Variants in AKAP6 observed in about 807,000 individuals in gnomAD.
AKAP6 encodes the protein A-kinase anchoring protein 6.
AKAP6 carries 58 observed loss-of-function variants against 188.5 expected under a neutral mutation model. That is an observed-to-expected ratio of 0.31 (90% confidence interval 0.25 to 0.38). The LOEUF (loss-of-function observed/expected upper bound fraction) is 0.38. AKAP6 is among the 10% of genes least tolerant of loss of function. The pLI is 1.00. For missense variants in AKAP6, 2,710 were observed against 2,740.0 expected (o/e 0.99, Z 0.24); for synonymous variants, 989 against 998.6 (o/e 0.99, Z 0.18).
chr14:32,642,634 A>G (rs1008314154), intron 7 of AKAP6, among the ~76,000 whole-genome samples: 4 of 152,198 alleles, frequency 2.6e-5, no homozygotes, highest in Non-Finnish European at 5.9e-5. Flanking sequence ...TCACCGCAGA[A>G]AGGAGCATTT....
intron 2 of AKAP6, among the ~76,000 whole-genome samples, chr14:32,531,082 T>C (rs1025560504): frequency 6.6e-6 from 1 of 152,166 alleles, no homozygotes; most frequent in African/African-American, 2.4e-5. Context: ...AAGTCAGCAA[T>C]TGGTAACATA....
At chr14:32,548,475 C>T (rs1180562364) in intron 4 of AKAP6, among the ~76,000 whole-genome samples, 1 of 151,730 alleles carries the variant, frequency 6.6e-6, no homozygotes, top group East Asian at 1.9e-4. Flanking sequence ...ATTATTCTCG[C>T]TTTACAGAGA....
At chr14:32,515,303 A>G (rs941743960) in intron 2 of AKAP6, among the ~76,000 whole-genome samples, 6 of 152,082 alleles carry the variant, frequency 3.9e-5, no homozygotes, top group African/African-American at 1.4e-4. Flanking sequence ...ACCCGGCCCC[A>G]CCTTTGACAC....
intron 11 of AKAP6, among the ~76,000 whole-genome samples, chr14:32,751,862 A>G (rs2032152672): frequency 1.3e-5 from 2 of 152,306 alleles, no homozygotes; most frequent in African/African-American, 4.8e-5. Context: ...CTGTCTTCAA[A>G]AGTACCAACT....
chr14:32,372,379 A>T (rs1888036003), intron 1 of AKAP6, among the ~76,000 whole-genome samples: 1 of 151,716 alleles, frequency 6.6e-6, no homozygotes, highest in Admixed American at 6.6e-5. Context: ...CAGGCCGAGG[A>T]GGGGATGTTT....
In AKAP6 at chr14:32,830,003, A is replaced by T. The variant is rs1416718007; in HGVS notation, c.*198A>T. ...TCTCCACACAAGCCTTGTGATCTGA[A>T]TGTGTGCGCTGGTTCTCTTTAGGTG... is the stretch of plus-strand genomic sequence containing the variant. On this transcript the variant is annotated 3_prime_UTR_variant, in exon 14 of 14. Transcript: ENST00000280979. 1.4e-6 allele frequency: 1 copy of T among 702,246 alleles called. No homozygotes were observed. Among genetic ancestry groups the T allele is most frequent in the African/African-American group, 1.7e-5 (1 of 57,296 alleles). The allele number at this position is 702,246 out of a possible 1,614,324, so 43.5% of individuals were successfully genotyped here.
chr14:32,524,244 C>T (rs747761214), intron 2 of AKAP6, among the ~76,000 whole-genome samples: 2 of 151,800 alleles, frequency 1.3e-5, no homozygotes, highest in African/African-American at 2.4e-5. Context: ...TACTCTTGTG[C>T]GGGAATGATT....
chr14:32,617,693 T>C (rs75682461), intron 7 of AKAP6, among the ~76,000 whole-genome samples: 2,180 of 152,324 alleles, frequency 0.014, 55 homozygotes, highest in African/African-American at 0.05. Context: ...TGGCACAGTT[T>C]CAACTCACTG....
chr14:32,476,103 TAAAC>T (rs1457631870), intron 2 of AKAP6, among the ~76,000 whole-genome samples: 2 of 149,948 alleles, frequency 1.3e-5, no homozygotes, highest in South Asian at 2.1e-4. Flanking sequence ...TATGCAGAAA[TAAAC>T]AATATATTGT....
At chr14:32,524,280 C>CT (rs1264068918) in intron 2 of AKAP6, among the ~76,000 whole-genome samples, 23 of 152,052 alleles carry the variant, frequency 1.5e-4, no homozygotes, top group African/African-American at 5.6e-4. Context: ...ATAGTGGTCA[C>CT]TTTTGGAGGG....
intron 8 of AKAP6, among the ~76,000 whole-genome samples, chr14:32,694,598 T>A (rs191858139): frequency 3.1e-3 from 466 of 152,264 alleles, no homozygotes; most frequent in Non-Finnish European, 4.9e-3. Context: ...CAGTAAACAT[T>A]TATTAATAAA....
chr14:32,558,075 A>G (rs571985840), intron 4 of AKAP6, among the ~76,000 whole-genome samples: 6 of 152,302 alleles, frequency 3.9e-5, no homozygotes, highest in African/African-American at 1.4e-4. Context: ...AATAAAGAAA[A>G]CTAGGATTTA....
chr14:32,498,649 C>T (rs1468286843), intron 2 of AKAP6, among the ~76,000 whole-genome samples: 3 of 151,864 alleles, frequency 2.0e-5, no homozygotes, highest in Non-Finnish European at 4.4e-5. Context: ...ATTGGGAATT[C>T]GAGGATGAGC....
intron 1 of AKAP6, among the ~76,000 whole-genome samples, chr14:32,379,288 A>G (rs558306962): frequency 6.6e-6 from 1 of 152,296 alleles, no homozygotes; most frequent in South Asian, 2.1e-4. Flanking sequence ...AGAAAATCTC[A>G]TTAAATACTT....
chr14:32,754,590 C>A (rs79486137), intron 11 of AKAP6, among the ~76,000 whole-genome samples: 3,761 of 152,258 alleles, frequency 0.025, 141 homozygotes, highest in African/African-American at 0.085. Flanking sequence ...TTTACATTTA[C>A]ACTAAGTTTT....
At chr14:32,752,014 G>A (rs993108777) in intron 11 of AKAP6, among the ~76,000 whole-genome samples, 1 of 152,124 alleles carries the variant, frequency 6.6e-6, no homozygotes, top group African/African-American at 2.4e-5. Flanking sequence ...CTGTTGATGT[G>A]TGTTGATTTT....
rs2034887053 is a variant in AKAP6, at chr14:32,837,534, GTTAC to G, written c.*7734_*7737del. The G allele has an allele frequency of 1.3e-5, 2 of 152,174 alleles. No homozygotes were observed. The highest frequency in any genetic ancestry group is 4.1e-4 in the South Asian group (2 of 4,834). 9.4% of individuals were successfully genotyped at this position (152,174 alleles called of 1,614,324 possible). A position where few individuals can be genotyped will look rare whatever the true frequency, so the allele number is the denominator to read the frequency against. ...TAGTTTGGTTCCGTTAGTTGATCAA[GTTAC>G]TTACACTAAGTCAGCAATTCAAAAC... On this transcript the variant is annotated 3_prime_UTR_variant, in exon 14 of 14. Transcript: ENST00000280979.
chr14:32,740,785 A>G lies in AKAP6; in HGVS notation c.3372+4903A>G, dbSNP rs184225011. On this transcript the variant is annotated intron_variant, in intron 11 of 13. Coordinates refer to ENST00000280979, the MANE Select transcript of AKAP6 (RefSeq NM_004274.5). ...TTTGGTTAACTACTAATTCTGTAGT[A>G]TACTTTGAAGTCAGGTATACAGTTT... Among the ~76,000 whole-genome samples the G allele has an allele frequency of 2.6e-4, 40 of 152,130 alleles. No homozygotes were observed. In the East Asian group the frequency reaches 6.8e-3, roughly 26 times the overall value.
intron 1 of AKAP6, among the ~76,000 whole-genome samples, chr14:32,346,377 G>A (rs1887066045): frequency 6.6e-6 from 1 of 152,210 alleles, no homozygotes; most frequent in African/African-American, 2.4e-5. Flanking sequence ...AGGAACTTGA[G>A]TTGTACAAAT....
Sources: gnomAD v4.1 joint callset for allele counts (sites outside exome capture counted in the v4.1 genomes callset) on GRCh38, gnomAD v4.1.1 for gene constraint, MANE v1.5 for transcripts, NCBI Gene and HGNC (gene_info 2026-07-23, HGNC 2026-07-21) for gene names.